SGCD: variants seen among roughly 807,000 people sequenced by gnomAD.
The protein encoded by SGCD is sarcoglycan delta.
SGCD carries 18 observed loss-of-function variants against 36.6 expected under a neutral mutation model. The ratio of observed to expected loss-of-function variants is 0.49; its 90% confidence interval spans 0.34 to 0.73. SGCD has a LOEUF of 0.73. Ranked by LOEUF, SGCD falls within the 30% of genes least tolerant of loss-of-function variation. The pLI is 0.01. For missense variants in SGCD, 387 were observed against 346.7 expected (o/e 1.12, Z -0.92); for synonymous variants, 133 against 130.6 (o/e 1.02, Z -0.12).
At chr5:156,181,584 T>C (rs1188559811) in intron 3 of SGCD, among the ~76,000 whole-genome samples, 2 of 152,302 alleles carry the variant, frequency 1.3e-5, no homozygotes, top group South Asian at 4.1e-4. Flanking sequence ...TTTATAGCGA[T>C]GTACAGTAAA....
intron 3 of SGCD, among the ~76,000 whole-genome samples, chr5:156,367,877 G>A (rs1770187633): frequency 6.6e-6 from 1 of 152,232 alleles, no homozygotes; most frequent in South Asian, 2.1e-4. Flanking sequence ...TAAATGTCAT[G>A]ACTATTTGAG....
intron 7 of SGCD, among the ~76,000 whole-genome samples, chr5:156,678,539 T>C (rs981962064): frequency 2.6e-5 from 4 of 152,226 alleles, no homozygotes; most frequent in Non-Finnish European, 4.4e-5. Context: ...AGTGAAATTC[T>C]CTTCACCTTC....
chr5:156,214,841 T>C (rs1244955292), intron 3 of SGCD, among the ~76,000 whole-genome samples: 2 of 151,966 alleles, frequency 1.3e-5, no homozygotes, highest in Non-Finnish European at 2.9e-5. Context: ...GAACACACAA[T>C]GGGGAAAAGA....
At chr5:156,757,866 C>G in intron 8 of SGCD, 162 bp downstream of exon 8, 1 of 1,309,326 alleles carries the variant, frequency 7.6e-7, no homozygotes, top group Non-Finnish European at 9.8e-7. Context: ...GATTATAAGC[C>G]AAACCCACAA....
intron 6 of SGCD, among the ~76,000 whole-genome samples, chr5:156,609,050 GGTTAATATT>G (rs1761640220): frequency 7.2e-6 from 1 of 138,226 alleles, no homozygotes; most frequent in Non-Finnish European, 1.6e-5. Context: ...TTACATTTAA[GGTTAATATT>G]GTTATGTGTG....
chr5:156,473,178 T>C (rs1472886138), intron 3 of SGCD, among the ~76,000 whole-genome samples: 1 of 152,198 alleles, frequency 6.6e-6, no homozygotes, highest in Non-Finnish European at 1.5e-5. Context: ...ACTTACCACC[T>C]GTACTTAATG....
intron 4 of SGCD, among the ~76,000 whole-genome samples, chr5:156,575,799 AGGTACACAAG>A (rs1759919438): frequency 6.6e-6 from 1 of 152,220 alleles, no homozygotes; most frequent in Admixed American, 6.5e-5. Context: ...GGGTACACAA[AGGTACACAAG>A]TTATGTTGAC....
At position 156,445,058 on chromosome 5, in the gene SGCD, G is replaced by T. The variant is rs766664789; in HGVS notation, c.193-63543G>T. On this transcript the variant is annotated intron_variant, in intron 3 of 8. Transcript: ENST00000337851. ...TCATAATAGCCCAGTGAATGTTCCC[G>T]CAGACTGTAAACAGGACTCCATGGA... is the stretch of plus-strand genomic sequence containing the variant. Among the ~76,000 whole-genome samples, 5 of 152,152 alleles carry T rather than the reference G, an allele frequency of 3.3e-5. No homozygotes were observed. In the South Asian group the frequency reaches 1.0e-3, roughly 32 times the overall value.
intron 3 of SGCD, among the ~76,000 whole-genome samples, chr5:156,156,017 G>A (rs907425656): frequency 2.6e-5 from 4 of 151,608 alleles, no homozygotes; most frequent in African/African-American, 4.9e-5. Flanking sequence ...TCCACCTTAT[G>A]GGCCGAATGT....
At chr5:156,041,529 T>A (rs972336472) in intron 1 of SGCD, among the ~76,000 whole-genome samples, 2 of 152,190 alleles carry the variant, frequency 1.3e-5, no homozygotes, top group Non-Finnish European at 2.9e-5. Context: ...TCGAGTTTTT[T>A]AATTGATTTT....
intron 1 of SGCD, among the ~76,000 whole-genome samples, chr5:155,900,578 C>G (rs1171723758): frequency 7.2e-6 from 1 of 139,594 alleles, no homozygotes; most frequent in African/African-American, 2.6e-5. Context: ...TCCCCCCTCC[C>G]CCCACTCCAC....
intron 3 of SGCD, chr5:156,393,919 A>ACAAGAGATG: frequency 2.3e-6 from 1 of 442,226 alleles, no homozygotes. Context: ...GTTGACACTC[A>ACAAGAGATG]CAAGAGATGG....
intron 7 of SGCD, among the ~76,000 whole-genome samples, chr5:156,704,980 C>A (rs1452936509): frequency 6.6e-6 from 1 of 151,614 alleles, no homozygotes; most frequent in African/African-American, 2.4e-5. Flanking sequence ...TAACATCAAC[C>A]CAAATAACCA....
intron 7 of SGCD, among the ~76,000 whole-genome samples, chr5:156,749,419 A>G (rs909923080): frequency 6.6e-6 from 1 of 152,156 alleles, no homozygotes; most frequent in Non-Finnish European, 1.5e-5. Flanking sequence ...AGACAGATAA[A>G]TTTATGAACT....
intron 3 of SGCD, among the ~76,000 whole-genome samples, chr5:156,432,897 G>A (rs1373340836): frequency 2.0e-5 from 3 of 152,282 alleles, no homozygotes; most frequent in African/African-American, 7.2e-5. Context: ...TCCTTGCAGA[G>A]ATAACAAGCA....
At chr5:156,505,120 C>T (rs968383088) in intron 3 of SGCD, among the ~76,000 whole-genome samples, 2 of 152,168 alleles carry the variant, frequency 1.3e-5, no homozygotes, top group Admixed American at 1.3e-4. Context: ...AGAGCTAATC[C>T]ATCTGTCTAT....
At position 156,667,023 on chromosome 5, in the gene SGCD, A is replaced by C. The variant is rs903948953; in HGVS notation, c.575+19487A>C. On this transcript the variant is annotated intron_variant, in intron 7 of 8. Transcript: ENST00000337851. ...CCCAAATCCAAAAATCCAAAATCCA[A>C]AATGCTCTAAAATTGAAAACTTTTT... is the stretch of plus-strand genomic sequence containing the variant. Among the ~76,000 whole-genome samples, 4 of 152,156 alleles carry C rather than the reference A, an allele frequency of 2.6e-5. No individual in the cohort carries two copies. In the East Asian group the frequency reaches 7.7e-4, roughly 29 times the overall value.
At chr5:155,893,795 A>G (rs1756187951) in intron 1 of SGCD, among the ~76,000 whole-genome samples, 1 of 152,240 alleles carries the variant, frequency 6.6e-6, no homozygotes, top group South Asian at 2.1e-4. Flanking sequence ...TTGTTGTGCT[A>G]ACATAATAGA....
intron 3 of SGCD, among the ~76,000 whole-genome samples, chr5:156,487,811 A>AAAG (rs1561728623): frequency 1.6e-5 from 2 of 126,594 alleles, no homozygotes; most frequent in African/African-American, 5.5e-5. Context: ...AAAAAAAAAA[A>AAAG]AAAAAGAAAG....
Sources: allele counts gnomAD v4.1 joint callset (sites outside exome capture counted in the v4.1 genomes callset), GRCh38; gene constraint gnomAD v4.1.1; transcripts MANE v1.5; gene names NCBI Gene and HGNC (gene_info 2026-07-23, HGNC 2026-07-21).